The following MGAT5 variants were observed in gnomAD, a reference collection of about 807,000 sequenced individuals.
MGAT5 encodes the protein alpha-1,6-mannosylglycoprotein 6-beta-N-acetylglucosaminyltransferase A.
In MGAT5, 30 loss-of-function variants were observed where a neutral mutation model predicts 94.3. The ratio of observed to expected loss-of-function variants is 0.32; its 90% CI spans 0.24 to 0.43. The LOEUF is 0.43. Among genes scored for constraint, MGAT5 ranks in the 20% least tolerant of loss-of-function variants. The pLI, the probability that MGAT5 is intolerant of heterozygous loss-of-function variation, is 1.00. For missense variants in MGAT5, 691 were observed against 905.5 expected (o/e 0.76, Z 3.04); for synonymous variants, 310 against 322.9 (o/e 0.96, Z 0.43).
Position 134,412,982 on chromosome 2 carries a change from A to G in MGAT5, c.1644A>G (p.Thr548=). The G allele has an allele frequency of 6.2e-7, 1 of 1,614,224 alleles. No individual in the cohort carries two copies. The highest frequency in any genetic ancestry group is 1.1e-5 in the South Asian group (1 of 91,086). ...ACCCACCCAAAAGCAGCAAAAACAC[A>G]GACTTTTTCATTGGCAAGCCAACTC... ...KFNPPKSSKN[T]DFFIGKPTLR... The change falls in exon 12 of 16, where the codon ACA becomes ACG. Residue 548 remains threonine (T), a synonymous_variant. Transcript: ENST00000281923.
chr2:134,184,598 G>C (rs1688908438), intron 1 of MGAT5, among the ~76,000 whole-genome samples: 1 of 152,184 alleles, frequency 6.6e-6, no homozygotes, highest in Admixed American at 6.5e-5. Flanking sequence ...ATCATGCACT[G>C]CCGCATTTGC....
chr2:134,426,722 G>GA (rs1316691429), intron 13 of MGAT5, among the ~76,000 whole-genome samples: 74 of 150,702 alleles, frequency 4.9e-4, no homozygotes, highest in South Asian at 2.1e-4. Flanking sequence ...TAAAAGAAAA[G>GA]AAAAAATTTT....
At chr2:134,402,800 A>G (rs1424716133) in intron 10 of MGAT5, among the ~76,000 whole-genome samples, 188 bp from the exon 11 acceptor site, 1 of 152,342 alleles carries the variant, frequency 6.6e-6, no homozygotes, top group East Asian at 1.9e-4. Context: ...ATGACTGTTT[A>G]TGTCCACAAA....
intron 1 of MGAT5, among the ~76,000 whole-genome samples, chr2:134,203,214 C>T (rs572575820): frequency 6.6e-6 from 1 of 152,272 alleles, no homozygotes; most frequent in East Asian, 1.9e-4. Flanking sequence ...CATAGGTTTT[C>T]CTGACCAGTG....
intron 2 of MGAT5, among the ~76,000 whole-genome samples, chr2:134,271,226 T>C (rs60493954): frequency 0.14 from 21,183 of 150,154 alleles, 2,120 homozygotes; most frequent in African/African-American, 0.27. Context: ...AACCCCCCCA[T>C]CCCCGCAACT....
chr2:134,126,433 CA>C (rs1185919631), intron 1 of MGAT5, among the ~76,000 whole-genome samples: 1 of 152,146 alleles, frequency 6.6e-6, no homozygotes, highest in African/African-American at 2.4e-5. Flanking sequence ...ATACATGTGG[CA>C]AAAGGCTTGT....
chr2:134,411,467 G>A (rs900578688), intron 11 of MGAT5, among the ~76,000 whole-genome samples: 1 of 152,146 alleles, frequency 6.6e-6, no homozygotes, highest in Non-Finnish European at 1.5e-5. Flanking sequence ...TTCAGGAAAC[G>A]AAAATTTATT....
In MGAT5 at chr2:134,127,500, C is replaced by G. The variant is rs113898364; in HGVS notation, c.-143+7209C>G. Among the ~76,000 whole-genome samples, 722 of 129,752 alleles carry G rather than the reference C, an allele frequency of 5.6e-3. 8 individuals carry two copies. The highest frequency in any genetic ancestry group is 0.042 in the South Asian group (128 of 3,080). 85.1% of individuals were successfully genotyped at this position (129,752 alleles called of 152,430 possible). A position where few individuals can be genotyped will look rare whatever the true frequency, so the allele number is the denominator to read the frequency against. ...GCTCCTTCAAGGAAAAGGTTTCCCC[C>G]CCCCCCAGGCTTGTTCCAACCCCCC... is the stretch of plus-strand genomic sequence containing the variant. On this transcript the variant is annotated intron_variant, in intron 1 of 16. Coordinates refer to the MGAT5 transcript ENST00000409645.
intron 8 of MGAT5, among the ~76,000 whole-genome samples, chr2:134,347,373 T>C (rs1003596614): frequency 1.3e-5 from 2 of 152,284 alleles, no homozygotes; most frequent in East Asian, 3.9e-4. Context: ...ATAGCTTACA[T>C]CTAGGCGCTG....
At chr2:134,280,314 C>T (rs560284182) in intron 2 of MGAT5, among the ~76,000 whole-genome samples, 1 of 152,278 alleles carries the variant, frequency 6.6e-6, no homozygotes, top group East Asian at 1.9e-4. Flanking sequence ...CCTCCTTCTT[C>T]TGTACTTCTT....
chr2:134,347,887 C>G (rs2106036068), intron 8 of MGAT5, among the ~76,000 whole-genome samples: 1 of 152,282 alleles, frequency 6.6e-6, no homozygotes, highest in Non-Finnish European at 1.5e-5. Context: ...CCTGCTTTGC[C>G]TGCACAGAGT....
intron 10 of MGAT5, among the ~76,000 whole-genome samples, chr2:134,363,736 A>G (rs569956117): frequency 6.6e-6 from 1 of 152,370 alleles, no homozygotes; most frequent in South Asian, 2.1e-4. Context: ...ATGTTATACC[A>G]TACTTTGTTG....
intron 1 of MGAT5, among the ~76,000 whole-genome samples, chr2:134,188,587 AAATATTGGCAGGT>A (rs1689162071): frequency 6.6e-6 from 1 of 152,232 alleles, no homozygotes; most frequent in Non-Finnish European, 1.5e-5. Flanking sequence ...CAGTTGGCAT[AAATATTGGCAGGT>A]AAAAGTTGTG....
rs1460187058 is a variant in MGAT5 at position 134,412,957 on chromosome 2, A to C, written c.1619A>C (p.Asn540Thr). 1 of 1,612,528 alleles carries C rather than the reference A, an allele frequency of 6.2e-7. No individual in the cohort carries two copies. Among genetic ancestry groups the C allele is most frequent in the Admixed American group, 1.7e-5 (1 of 59,808 alleles). The part of the protein sequence containing the change: ...NGCAFLNPKF[N>T]PPKSSKNTDF... Reference sequence around the variant, plus strand: ...TGTGCTTTTCTGAATCCCAAGTTCAACCCACCCAAAAGCAGCAAAAACACA... The same window carrying C: ...TGTGCTTTTCTGAATCCCAAGTTCACCCCACCCAAAAGCAGCAAAAACACA... The change falls in exon 12 of 16, where the codon AAC becomes ACC. Residue 540 changes from asparagine (N) to threonine (T), a missense_variant. Asn to Thr is a moderately conservative substitution (Grantham distance 65, BLOSUM62 0). This residue lies in a region of MGAT5 where 260 missense variants were observed against 347.0 expected (regional missense o/e 0.75). Coordinates refer to ENST00000281923, the MANE Select transcript of MGAT5 (RefSeq NM_002410.5).
chr2:134,244,095 C>A (rs1682108715), intron 1 of MGAT5, among the ~76,000 whole-genome samples: 1 of 152,048 alleles, frequency 6.6e-6, no homozygotes, highest in Non-Finnish European at 1.5e-5. Context: ...TATAAAATTT[C>A]TTTGTGGCTT....
chr2:134,401,727 C>T (rs533341435), intron 10 of MGAT5, among the ~76,000 whole-genome samples: 1 of 152,318 alleles, frequency 6.6e-6, no homozygotes, highest in Admixed American at 6.5e-5. Context: ...TCCCACTGTT[C>T]ATTTTATTCA....
At chr2:134,339,804 G>A (rs1032404329) in intron 6 of MGAT5, among the ~76,000 whole-genome samples, 23 of 152,174 alleles carry the variant, frequency 1.5e-4, no homozygotes, top group African/African-American at 5.5e-4. Context: ...ATCCAGTTTT[G>A]ATGGAAGCGC....
At chr2:134,235,708 T>A (rs1681603495) in intron 1 of MGAT5, among the ~76,000 whole-genome samples, 1 of 149,714 alleles carries the variant, frequency 6.7e-6, no homozygotes. Context: ...GGGATTTAAA[T>A]CATTGTAATA....
At chr2:134,347,233 G>A (rs7568294) in intron 8 of MGAT5, among the ~76,000 whole-genome samples, 146,873 of 152,324 alleles carry the variant, frequency 0.96, 70,914 homozygotes, top group East Asian at 1. Flanking sequence ...TCTGTGCTTT[G>A]TAAATTAAAC....
Sources: gnomAD v4.1 joint callset for allele counts (sites outside exome capture counted in the v4.1 genomes callset) on GRCh38, gnomAD v4.1.1 for gene constraint, gnomAD v4.1.1 regional missense constraint, MANE v1.5 for transcripts, NCBI Gene and HGNC (gene_info 2026-07-23, HGNC 2026-07-21) for gene names.